The following ADD3 variants were observed in gnomAD, a reference collection of about 807,000 sequenced individuals.
ADD3 encodes gamma-adducin.
Under a neutral mutation model 80.2 loss-of-function variants are expected in ADD3, and 25 were observed. That is an observed-to-expected ratio of 0.31 (90% CI 0.23 to 0.44). The LOEUF is 0.44. Ranked by LOEUF, ADD3 falls within the 20% of genes least tolerant of loss-of-function variation. ADD3 has a pLI of 1.00. For synonymous variants in ADD3, 284 were observed against 289.6 expected, an observed-to-expected ratio of 0.98 and a Z score of 0.20; for missense variants, 829 against 847.5, an observed-to-expected ratio of 0.98 and a Z score of 0.27.
chr10:110,100,761 T>C lies in ADD3; in HGVS notation c.108T>C (p.Ile36=). The C allele has an allele frequency of 1.9e-6, 3 of 1,613,886 alleles. No individual in the cohort carries two copies. Among genetic ancestry groups the C allele is most frequent in the Non-Finnish European group, 2.5e-6 (3 of 1,179,900 alleles). ...TCAATGAAAATGACCCAGAATACAT[T>C]AGGGAGAGGAACATGTCTCCTGATC... ...DRINENDPEY[I]RERNMSPDLR... Residue 36 remains isoleucine (I), a synonymous_variant, in exon 2 of 15, where the codon ATT becomes ATC. Coordinates refer to ENST00000356080, the MANE Select transcript of ADD3 (RefSeq NM_016824.5).
At chr10:110,058,632 A>T (rs983389217) in intron 1 of ADD3, among the ~76,000 whole-genome samples, 1 of 152,180 alleles carries the variant, frequency 6.6e-6, no homozygotes, top group Admixed American at 6.5e-5. Flanking sequence ...ATTAATTTGA[A>T]AATAATTCTA....
At chr10:110,085,139 A>G (rs1846556727) in intron 1 of ADD3, among the ~76,000 whole-genome samples, 1 of 152,128 alleles carries the variant, frequency 6.6e-6, no homozygotes, top group Non-Finnish European at 1.5e-5. Flanking sequence ...ACATTTTTAG[A>G]ATTCTTGTTC....
At chr10:110,130,303 T>G (rs1852790289) in intron 12 of ADD3, 60 bp from the exon 13 acceptor site, 1 of 1,544,126 alleles carries the variant, frequency 6.5e-7, no homozygotes, top group South Asian at 1.1e-5. Flanking sequence ...GATGGATGGA[T>G]GGATAGATAT....
intron 1 of ADD3, among the ~76,000 whole-genome samples, chr10:110,018,908 A>G (rs1352516285): frequency 1.3e-5 from 2 of 152,180 alleles, no homozygotes; most frequent in Non-Finnish European, 2.9e-5. Context: ...CCATATGAAA[A>G]TTCCTGCTTT....
In ADD3 at chr10:110,135,083, C is replaced by T. The variant is rs115945554; in HGVS notation, c.*1465C>T. 1 of 152,068 alleles carries T rather than the reference C, an allele frequency of 6.6e-6. No individual in the cohort carries two copies. 9.4% of individuals were successfully genotyped at this position (152,068 alleles called of 1,614,324 possible). A position where few individuals can be genotyped will look rare whatever the true frequency, so the allele number is the denominator to read the frequency against. On this transcript the variant is annotated 3_prime_UTR_variant, in exon 15 of 15. Coordinates refer to ENST00000356080, the MANE Select transcript of ADD3 (RefSeq NM_016824.5). Reference sequence around the variant, plus strand: ...TGTTTCTTAAGGGTGAGTTGGCATGCAAAAAATTACATTGATTACAGTGTG... The same window carrying T: ...TGTTTCTTAAGGGTGAGTTGGCATGTAAAAAATTACATTGATTACAGTGTG...
At chr10:110,121,971 G>A (rs1851562866) in intron 8 of ADD3, 139 bp from the exon 9 acceptor site, 1 of 624,870 alleles carries the variant, frequency 1.6e-6, no homozygotes, top group South Asian at 3.3e-5. Flanking sequence ...GCACAAGAGT[G>A]TCATCTTGTC....
intron 1 of ADD3, among the ~76,000 whole-genome samples, chr10:110,087,856 A>C (rs537699516): frequency 6.6e-5 from 10 of 152,172 alleles, no homozygotes; most frequent in Non-Finnish European, 1.5e-4. Flanking sequence ...AAAACAACAG[A>C]TCTATTCTCT....
intron 1 of ADD3, among the ~76,000 whole-genome samples, chr10:110,092,558 G>A (rs1023050925): frequency 2.6e-5 from 4 of 151,990 alleles, no homozygotes; most frequent in South Asian, 2.1e-4. Context: ...ATAGACACCC[G>A]GTCTACTTGA....
intron 12 of ADD3, among the ~76,000 whole-genome samples, chr10:110,128,724 T>C (rs1852526123): frequency 6.6e-6 from 1 of 152,198 alleles, no homozygotes; most frequent in Non-Finnish European, 1.5e-5. Context: ...GCCAACTTTT[T>C]TATTTTTAAT....
intron 1 of ADD3, among the ~76,000 whole-genome samples, chr10:110,051,800 T>C (rs969754674): frequency 6.6e-6 from 1 of 152,180 alleles, no homozygotes; most frequent in African/African-American, 2.4e-5. Context: ...CGGTTGGCTT[T>C]TTATTTATTT....
intron 1 of ADD3, among the ~76,000 whole-genome samples, chr10:110,015,487 T>A (rs1852861403): frequency 6.6e-6 from 1 of 151,830 alleles, no homozygotes; most frequent in Non-Finnish European, 1.5e-5. Flanking sequence ...GCCATTCTCC[T>A]GCCTCAGCCT....
intron 1 of ADD3, among the ~76,000 whole-genome samples, chr10:110,049,601 G>T (rs1391843713): frequency 1.3e-5 from 2 of 152,104 alleles, no homozygotes; most frequent in African/African-American, 4.8e-5. Flanking sequence ...AGATTTGACT[G>T]CTCTGGCCAG....
At chr10:110,030,708 A>G (rs939103019) in intron 1 of ADD3, among the ~76,000 whole-genome samples, 9 of 151,718 alleles carry the variant, frequency 5.9e-5, no homozygotes, top group African/African-American at 2.2e-4. Context: ...AATTATAAAA[A>G]TATACAGATT....
At chr10:110,104,916 C>T (rs1273753082) in intron 2 of ADD3, among the ~76,000 whole-genome samples, 5 of 152,180 alleles carry the variant, frequency 3.3e-5, no homozygotes, top group African/African-American at 1.2e-4. Context: ...AATCACTAGG[C>T]TGTACCACTT....
At chr10:110,107,965 A>G (rs146479224) in intron 2 of ADD3, among the ~76,000 whole-genome samples, 1 of 152,108 alleles carries the variant, frequency 6.6e-6, no homozygotes. Context: ...AACAACTACC[A>G]CTACCTCCTC....
intron 3 of ADD3, among the ~76,000 whole-genome samples, chr10:110,115,638 C>A (rs565303885): frequency 2.8e-4 from 43 of 152,070 alleles, no homozygotes; most frequent in Non-Finnish European, 3.5e-4. Flanking sequence ...AATAAGAGAT[C>A]TAGGATAGTA....
Position 110,118,633 on chromosome 10 carries a change from A to G in ADD3, c.614A>G (p.Asn205Ser), listed in dbSNP as rs751917270. ...IGEVVDQGST[N>S]LKIDHTGFSP... ...GAAGTGGTTGACCAGGGAAGTACCA[A>G]TTTGAAAATTGACCATACAGGATTC... Residue 205 changes from asparagine (N) to serine (S), a missense_variant, in exon 6 of 15, where the codon AAT becomes AGT. By Grantham distance (46) the Asn-to-Ser change is conservative (BLOSUM62 1). Transcript: ENST00000356080. 12 of 1,613,894 alleles carry G rather than the reference A, an allele frequency of 7.4e-6. No individual in the cohort carries two copies. The highest frequency in any genetic ancestry group is 1.0e-5 in the Non-Finnish European group (12 of 1,179,872).
chr10:110,031,941 C>G (rs1295225164), intron 1 of ADD3, among the ~76,000 whole-genome samples: 2 of 151,808 alleles, frequency 1.3e-5, no homozygotes, highest in Admixed American at 1.3e-4. Flanking sequence ...AAAGTTTCCC[C>G]TCTTAGCAAC....
chr10:110,079,447 AGAGAGAGAGAGAGAGTGTGTGTGT>A (rs1845771516), intron 1 of ADD3: 3 of 135,054 alleles, frequency 2.2e-5, no homozygotes, highest in African/African-American at 9.1e-5. Context: ...AGAGAGAGAG[AGAGAGAGAGAGAGAGTGTGTGTGT>A]GTGTGTGTGT....
Sources: gnomAD v4.1 joint callset for allele counts (sites outside exome capture counted in the v4.1 genomes callset) on GRCh38, gnomAD v4.1.1 for gene constraint, MANE v1.5 for transcripts, NCBI Gene and HGNC (gene_info 2026-07-23, HGNC 2026-07-21) for gene names.